The following ATP2B1 variants were observed in gnomAD, a reference collection of about 807,000 sequenced individuals.
The protein encoded by ATP2B1 is plasma membrane calcium-transporting ATPase 1.
A neutral mutation model predicts 124.2 loss-of-function variants in ATP2B1; 14 were observed. That is an observed-to-expected ratio of 0.11 (90% CI 0.07 to 0.18). The LOEUF is 0.18. Ranked by LOEUF, ATP2B1 falls within the 10% of genes least tolerant of loss-of-function variation. The pLI, the probability that ATP2B1 is intolerant of heterozygous loss-of-function variation, is 1.00. For missense variants in ATP2B1, 763 were observed against 1,466.1 expected (o/e 0.52, Z 7.83); for synonymous variants, 449 against 492.4 (o/e 0.91, Z 1.17).
At chr12:89,608,314 G>A (rs1466099019) in intron 15 of ATP2B1, among the ~76,000 whole-genome samples, 1 of 151,936 alleles carries the variant, frequency 6.6e-6, no homozygotes, top group Non-Finnish European at 1.5e-5. Flanking sequence ...GATTACAGGC[G>A]CGACCACCAC....
At chr12:89,669,544 C>T (rs1332489501) in intron 1 of ATP2B1, among the ~76,000 whole-genome samples, 2 of 152,070 alleles carry the variant, frequency 1.3e-5, no homozygotes, top group Non-Finnish European at 2.9e-5. Flanking sequence ...TCAGCTTCCT[C>T]GTTTGTAGAA....
chr12:89,608,282 C>A (rs1877345912), intron 15 of ATP2B1, among the ~76,000 whole-genome samples: 1 of 152,128 alleles, frequency 6.6e-6, no homozygotes, highest in Non-Finnish European at 1.5e-5. Flanking sequence ...GATTCTCATG[C>A]CTCAGACTTC....
At position 89,624,192 on chromosome 12, in the gene ATP2B1, A is replaced by G. The variant is rs1880463799; in HGVS notation, c.1335T>C (p.Tyr445=). 6.2e-7 allele frequency: 1 copy of G among 1,614,006 alleles called. No homozygotes were observed. The highest frequency in any genetic ancestry group is 8.5e-7 in the Non-Finnish European group (1 of 1,179,914). The part of the protein sequence containing the change: ...LPLAVTISLA[Y]SVKKMMKDNN... ...ACTATTTTCTACTTACTTTGACTGA[A>G]TAAGCCAGTGAGATCGTGACTGCAA... The change falls in exon 9 of 21, where the codon TAT becomes TAC. Residue 445 remains tyrosine (Y), a synonymous_variant. Coordinates refer to ENST00000428670, the MANE Select transcript of ATP2B1 (RefSeq NM_001366521.1).
intron 15 of ATP2B1, among the ~76,000 whole-genome samples, chr12:89,608,172 T>C (rs1418449416): frequency 1.3e-5 from 2 of 152,156 alleles, no homozygotes; most frequent in Non-Finnish European, 2.9e-5. Context: ...TTAAACTAAA[T>C]TAATTTATTT....
At chr12:89,597,928 TTAAC>T (rs1874961815) in intron 20 of ATP2B1, among the ~76,000 whole-genome samples, 1 of 149,078 alleles carries the variant, frequency 6.7e-6, no homozygotes, top group Non-Finnish European at 1.5e-5. Flanking sequence ...GATGCAATTT[TTAAC>T]TAAATTGTCT....
In ATP2B1 at chr12:89,649,695, T is replaced by A. The variant is rs74514610; in HGVS notation, c.208+5984A>T. Among the ~76,000 whole-genome samples, 533 of 152,190 alleles carry A rather than the reference T, an allele frequency of 3.5e-3. 3 individuals carry two copies. Among genetic ancestry groups the A allele is most frequent in the Non-Finnish European group, 5.6e-3 (382 of 67,992 alleles). On this transcript the variant is annotated intron_variant, in intron 2 of 20. Coordinates refer to ENST00000428670, the MANE Select transcript of ATP2B1 (RefSeq NM_001366521.1). Reference sequence around the variant, plus strand: ...TTGAAATGTGAGAAAGACACGAGATTTGGTGGGGGCAGGGGTGGAATAATA... The same window carrying A: ...TTGAAATGTGAGAAAGACACGAGATATGGTGGGGGCAGGGGTGGAATAATA...
chr12:89,595,880 A>G lies in ATP2B1; in HGVS notation c.3351+3237T>C, dbSNP rs561808752. Among the ~76,000 whole-genome samples, 251 of 152,226 alleles carry G rather than the reference A, an allele frequency of 1.6e-3. 1 individual carries two copies. Among genetic ancestry groups the G allele is most frequent in the African/African-American group, 5.8e-3 (239 of 41,552 alleles). On this transcript the variant is annotated intron_variant, in intron 20 of 20. Transcript: ENST00000428670. The stretch of plus-strand genomic sequence containing the variant: ...AAGTAAACATCTCAAACCTTGATAA[A>G]GCAACAACTACAAACTTTCCTTTGC...
rs188971072 is a variant in ATP2B1, at chr12:89,675,858, G to T, written c.-221-19751C>A. On this transcript the variant is annotated intron_variant, in intron 1 of 20. Transcript: ENST00000428670. ...CTTTTACTGTAAAGTTTCCTGACGA[G>T]CCAGGAGTTATTTTTAGTATTATTA... Among the ~76,000 whole-genome samples, 294 of 152,166 alleles carry T rather than the reference G, an allele frequency of 1.9e-3. 2 individuals carry two copies. The highest frequency in any genetic ancestry group is 6.5e-3 in the African/African-American group (271 of 41,512).
chr12:89,655,031 T>C (rs542828105), intron 2 of ATP2B1, among the ~76,000 whole-genome samples: 19 of 152,326 alleles, frequency 1.2e-4, no homozygotes, highest in African/African-American at 3.4e-4. Context: ...CAGAAAGTTA[T>C]AATGAATTCT....
At position 89,600,158 on chromosome 12, in the gene ATP2B1, CAAAAT is replaced by C. The variant is rs1283834227; in HGVS notation, c.3169-864_3169-860del. Reference sequence around the variant, plus strand: ...AGATGATCTCTATTAATGAGGTACTCAAAATAGATAAGAAACCTCAGAATCTAGAA... The same window carrying C: ...AGATGATCTCTATTAATGAGGTACTCAGATAAGAAACCTCAGAATCTAGAA... On this transcript the variant is annotated intron_variant, in intron 19 of 20. Coordinates refer to ENST00000428670, the MANE Select transcript of ATP2B1 (RefSeq NM_001366521.1). 2.0e-5 allele frequency among the ~76,000 whole-genome samples: 3 copies of C among 151,918 alleles called. No individual in the cohort carries two copies. In the East Asian group the frequency reaches 5.8e-4, roughly 29 times the overall value.
chr12:89,708,402 T>C (rs1457510785), intron 1 of ATP2B1, among the ~76,000 whole-genome samples, 194 bp downstream of exon 1: 3 of 151,836 alleles, frequency 2.0e-5, no homozygotes, highest in Non-Finnish European at 4.4e-5. Context: ...ACCTTCACAA[T>C]CTCCCGGCAA....
At chr12:89,628,384 A>T in intron 6 of ATP2B1, among the ~76,000 whole-genome samples, 1 of 143,360 alleles carries the variant, frequency 7.0e-6, no homozygotes, top group East Asian at 2.2e-4. Context: ...CCTGGGGGAT[A>T]GAGTGAGACT....
intron 7 of ATP2B1, 39 bp downstream of exon 7, chr12:89,627,639 G>A (rs1262698957): frequency 6.2e-7 from 1 of 1,603,252 alleles, no homozygotes; most frequent in Non-Finnish European, 8.5e-7. Flanking sequence ...TGGATATAAT[G>A]AAAACAAGCT....
chr12:89,708,267 G>GCCT (rs1385193604), intron 1 of ATP2B1, among the ~76,000 whole-genome samples: 1 of 152,144 alleles, frequency 6.6e-6, no homozygotes, highest in Non-Finnish European at 1.5e-5. Context: ...CGCGGCCGAG[G>GCCT]CGGCTTCGTG....
rs890445399 is a variant in ATP2B1 at position 89,588,414 on chromosome 12, A to G, written c.*2570T>C. ...CAATGATGAGGAGAAAAGGATTTTT[A>G]AAAAATATACAAAGATTAAAAACAT... On this transcript the variant is annotated 3_prime_UTR_variant, in exon 21 of 21. Coordinates refer to ENST00000428670, the MANE Select transcript of ATP2B1 (RefSeq NM_001366521.1). 1 of 152,608 alleles carries G rather than the reference A, an allele frequency of 6.6e-6. No homozygotes were observed. Among genetic ancestry groups the G allele is most frequent in the Non-Finnish European group, 1.5e-5 (1 of 68,008 alleles). 9.5% of individuals were successfully genotyped at this position (152,608 alleles called of 1,614,324 possible).
Position 89,592,381 on chromosome 12 carries a change from A to C in ATP2B1, c.3352-1086T>G, listed in dbSNP as rs534758792. ...AATAACACTTTGACATTCTAGAAAAAAGATGCGGTCACCAAATTCATCTCT... is the reference window on the plus strand; with the variant it reads ...AATAACACTTTGACATTCTAGAAAACAGATGCGGTCACCAAATTCATCTCT... On this transcript the variant is annotated intron_variant, in intron 20 of 20. Coordinates refer to ENST00000428670, the MANE Select transcript of ATP2B1 (RefSeq NM_001366521.1). 5.9e-5 allele frequency among the ~76,000 whole-genome samples: 9 copies of C among 152,188 alleles called. No homozygotes were observed. The South Asian group carries it at 1.9e-3, about 32-fold the overall frequency.
chr12:89,685,622 A>T (rs1205893410), intron 1 of ATP2B1, among the ~76,000 whole-genome samples: 2 of 152,104 alleles, frequency 1.3e-5, no homozygotes, highest in Admixed American at 6.6e-5. Flanking sequence ...CTTCCAAGTG[A>T]TTCTGGTGCA....
chr12:89,603,801 T>C lies in ATP2B1; in HGVS notation c.2759A>G (p.Asn920Ser). Residue 920 changes from asparagine (N) to serine (S), a missense_variant, in exon 17 of 21, where the codon AAT becomes AGT. Around this residue, in one of 7 missense-constraint regions of ATP2B1, gnomAD observed 118 missense variants for 240.3 expected, o/e 0.49. Coordinates refer to ENST00000428670, the MANE Select transcript of ATP2B1 (RefSeq NM_001366521.1). This position sits in a 1 kb window ranked among gnomAD's most constrained non-coding sequence, Gnocchi z 4.3. ...SLLLRKPYGR[N>S]KPLISRTMMK... ...CATTGTACGTGAGATGAGAGGCTTA[T>C]TTCTACCATAAGGTTTCCGAAGCAA... 6.2e-7 allele frequency: 1 copy of C among 1,614,176 alleles called. No homozygotes were observed. Among genetic ancestry groups the C allele is most frequent in the Non-Finnish European group, 8.5e-7 (1 of 1,180,014 alleles).
chr12:89,700,267 A>C (rs1422470008), intron 1 of ATP2B1, among the ~76,000 whole-genome samples: 1 of 152,004 alleles, frequency 6.6e-6, no homozygotes, highest in Non-Finnish European at 1.5e-5. Context: ...ATGCTAGAGG[A>C]GCTCCCTTTC....
Sources: gnomAD v4.1 joint callset for allele counts (sites outside exome capture counted in the v4.1 genomes callset) on GRCh38, gnomAD v4.1.1 for gene constraint, gnomAD v4.1.1 regional missense constraint, Gnocchi (gnomAD v3.1) non-coding constraint, MANE v1.5 for transcripts, NCBI Gene and HGNC (gene_info 2026-07-23, HGNC 2026-07-21) for gene names.